TAGLN2: variants seen among roughly 807,000 people sequenced by gnomAD.
TAGLN2 encodes transgelin 2, also known as transgelin-2.
In TAGLN2, 14 loss-of-function variants were observed where a neutral mutation model predicts 24.9. The ratio of observed to expected loss-of-function variants is 0.56; its 90% confidence interval spans 0.37 to 0.88. TAGLN2 has a LOEUF of 0.88. Ranked by LOEUF, TAGLN2 falls within the 40% of genes least tolerant of loss-of-function variation. The pLI, the probability that TAGLN2 is intolerant of heterozygous loss-of-function variation, is 0.00. For synonymous variants in TAGLN2, 77 were observed against 98.2 expected (o/e 0.78, Z 1.28); for missense variants, 208 against 258.9 (o/e 0.80, Z 1.35).
At chr1:159,919,960 G>T (rs1386148351) in intron 2 of TAGLN2, 125 bp from the exon 3 acceptor site, 1 of 1,111,442 alleles carries the variant, frequency 9.0e-7, no homozygotes, top group East Asian at 2.4e-5. Flanking sequence ...AGACAGCTTG[G>T]ACTCTTTCAC....
intron 1 of TAGLN2, chr1:159,923,598 G>A: frequency 9.8e-7 from 1 of 1,017,964 alleles, no homozygotes; most frequent in Non-Finnish European, 1.4e-6. Context: ...GACAGGGAGT[G>A]TTCTCAAAGA....
At chr1:159,919,995 T>A in intron 2 of TAGLN2, 160 bp from the exon 3 acceptor site, 3 of 862,246 alleles carry the variant, frequency 3.5e-6, no homozygotes, top group Non-Finnish European at 5.6e-6. Flanking sequence ...CAGTCCTTCT[T>A]GCCAGCCTCC....
chr1:159,920,960 C>T (rs188233829), intron 1 of TAGLN2, among the ~76,000 whole-genome samples: 1 of 152,138 alleles, frequency 6.6e-6, no homozygotes, highest in East Asian at 1.9e-4. Context: ...AAGGATTGCA[C>T]ACAAAGAATA....
chr1:159,921,075 T>C (rs923346616), intron 1 of TAGLN2, among the ~76,000 whole-genome samples: 1 of 152,198 alleles, frequency 6.6e-6, no homozygotes, highest in African/African-American at 2.4e-5. Context: ...AATAGGTCCT[T>C]GAGGGATTTC....
intron 1 of TAGLN2, among the ~76,000 whole-genome samples, chr1:159,920,939 T>G (rs907075975): frequency 6.6e-6 from 1 of 152,156 alleles, no homozygotes; most frequent in Non-Finnish European, 1.5e-5. Context: ...AGTGAGTACA[T>G]ATGAACAGGT....
rs1650418912 is a variant in TAGLN2, at chr1:159,918,608, G to A, written c.*192C>T. The A allele has an allele frequency of 4.0e-6, 3 of 745,712 alleles. No individual in the cohort carries two copies. The highest frequency in any genetic ancestry group is 4.0e-5 in the South Asian group (2 of 49,684). 46.2% of individuals were successfully genotyped at this position (745,712 alleles called of 1,614,324 possible). A position where few individuals can be genotyped will look rare whatever the true frequency, so the allele number is the denominator to read the frequency against. ...TCCAGTTTTGATGGCTATGGGGAAG[G>A]GAATGTATTAGTAAGCATGGGGGAG... On this transcript the variant is annotated 3_prime_UTR_variant, in exon 5 of 5. Transcript: ENST00000368097.
intron 2 of TAGLN2, 178 bp from the exon 3 acceptor site, chr1:159,920,013 G>A (rs74538272): frequency 0.018 from 14,469 of 791,648 alleles, 305 homozygotes; most frequent in South Asian, 0.069. Flanking sequence ...TCCTTCCTCC[G>A]AGCCCAGAGT....
intron 2 of TAGLN2, 174 bp from the exon 3 acceptor site, chr1:159,920,009 C>A: frequency 1.2e-6 from 1 of 805,206 alleles, no homozygotes. Flanking sequence ...AGCCTCCTTC[C>A]TCCGAGCCCA....
At chr1:159,925,114 G>T (rs111315641) in intron 1 of TAGLN2, 8,743 of 152,322 alleles carry the variant, frequency 0.057, 277 homozygotes, top group Middle Eastern at 0.068. Flanking sequence ...GTCACTCGGG[G>T]CCAGCCAGCT....
intron 2 of TAGLN2, 107 bp downstream of exon 2, chr1:159,920,223 G>A (rs1341011359): frequency 6.4e-7 from 1 of 1,557,560 alleles, no homozygotes; most frequent in South Asian, 1.1e-5. Flanking sequence ...AAGAGGCTGG[G>A]ACATGTGTGC....
At chr1:159,924,941 A>G (rs1439946609) in intron 1 of TAGLN2, 1 of 152,372 alleles carries the variant, frequency 6.6e-6, no homozygotes, top group African/African-American at 2.4e-5. Context: ...CGTGACCTCA[A>G]GTCCCCAGAA....
In TAGLN2 at chr1:159,919,179, G is replaced by A. The variant is rs545595951; in HGVS notation, c.458+95C>T. Reference sequence around the variant, plus strand: ...AATTTTCTGAAAGTGCTTTGTAAAGGGCCAGCTGCTACTGAGATAAGTTAT... The same window carrying A: ...AATTTTCTGAAAGTGCTTTGTAAAGAGCCAGCTGCTACTGAGATAAGTTAT... On this transcript the variant is annotated intron_variant, in intron 4 of 4. Coordinates refer to ENST00000368097, the MANE Select transcript of TAGLN2 (RefSeq NM_003564.3). 3.5e-5 allele frequency: 48 copies of A among 1,353,224 alleles called. No individual in the cohort carries two copies. The African/African-American group carries it at 4.7e-4, about 13-fold the overall frequency. 83.8% of individuals were successfully genotyped at this position (1,353,224 alleles called of 1,614,324 possible).
At chr1:159,923,767 A>C in intron 1 of TAGLN2, 1 of 352,584 alleles carries the variant, frequency 2.8e-6, no homozygotes, top group Non-Finnish European at 5.1e-6. Context: ...AGGAAGCTCC[A>C]AAGCTTGCGT....
chr1:159,922,886 C>T (rs529687203), intron 1 of TAGLN2, among the ~76,000 whole-genome samples: 3 of 152,382 alleles, frequency 2.0e-5, no homozygotes, highest in East Asian at 1.9e-4. Context: ...CCCCCTCCAC[C>T]GCCCAACGCT....
chr1:159,921,776 G>A (rs556376905), intron 1 of TAGLN2, among the ~76,000 whole-genome samples: 5 of 152,192 alleles, frequency 3.3e-5, no homozygotes, highest in East Asian at 1.9e-4. Flanking sequence ...CTGAGTTGGC[G>A]GACCTCACTG....
At chr1:159,924,221 T>C (rs1335422690) in intron 1 of TAGLN2, among the ~76,000 whole-genome samples, 2 of 151,998 alleles carry the variant, frequency 1.3e-5, no homozygotes, top group African/African-American at 4.8e-5. Context: ...GGAGTTGCGG[T>C]TGGACAAAAC....
Position 159,919,689 on chromosome 1 carries a change from G to A in TAGLN2, c.327C>T (p.Asp109=). ...AAERYGINTT[D]IFQTVDLWEG... is the part of the protein sequence containing the mutation. ...CCCAGAGGTCCACAGTTTGGAAGAT[G>A]TCAGTGGTGTTAATGCCATAGCGCT... Residue 109 remains aspartate (D), a synonymous_variant, in exon 3 of 5, where the codon GAC becomes GAT. Transcript: ENST00000368097. The A allele has an allele frequency of 6.2e-7, 1 of 1,613,290 alleles. No homozygotes were observed. Among genetic ancestry groups the A allele is most frequent in the Non-Finnish European group, 8.5e-7 (1 of 1,179,894 alleles).
At chr1:159,923,701 G>A in intron 1 of TAGLN2, 1 of 421,118 alleles carries the variant, frequency 2.4e-6, no homozygotes, top group Non-Finnish European at 4.2e-6. Context: ...CCACCGTAGG[G>A]CAGCCCCTCA....
At chr1:159,920,283 A>G (rs1432795810) in intron 2 of TAGLN2, 47 bp downstream of exon 2, 1 of 1,613,872 alleles carries the variant, frequency 6.2e-7, no homozygotes, top group African/African-American at 1.3e-5. Flanking sequence ...CACTGGACCC[A>G]GTCCTGCTCT....
Sources: allele counts gnomAD v4.1 joint callset (sites outside exome capture counted in the v4.1 genomes callset), GRCh38; gene constraint gnomAD v4.1.1; transcripts MANE v1.5; gene names NCBI Gene and HGNC (gene_info 2026-07-23, HGNC 2026-07-21).